Variants in UTP20 observed in about 807,000 individuals in gnomAD.
UTP20 encodes small subunit processome component 20 homolog.
Under a neutral mutation model 329.5 loss-of-function variants are expected in UTP20, and 164 were observed. The observed-to-expected ratio is 0.50, with a 90% confidence interval of 0.44 to 0.57. UTP20 has a LOEUF of 0.57. Ranked by LOEUF, UTP20 falls within the 20% of genes least tolerant of loss-of-function variation. The pLI, the probability that UTP20 is intolerant of heterozygous loss-of-function variation, is 0.00. For synonymous variants in UTP20, 1,151 were observed against 1,159.3 expected (o/e 0.99, Z 0.14); for missense variants, 3,055 against 3,284.2 (o/e 0.93, Z 1.71).
intron 16 of UTP20, 80 bp from the exon 17 acceptor site, chr12:101,306,619 C>A: frequency 7.5e-7 from 1 of 1,326,162 alleles, no homozygotes; most frequent in Non-Finnish European, 1.0e-6. Context: ...TTGTATAAAA[C>A]TTAAATCTTG....
chr12:101,317,278 A>T (rs1873000881), intron 21 of UTP20, among the ~76,000 whole-genome samples, 200 bp from the exon 22 acceptor site: 1 of 152,216 alleles, frequency 6.6e-6, no homozygotes, highest in Non-Finnish European at 1.5e-5. Flanking sequence ...TTCTACAGTT[A>T]GTGAATCGCT....
At chr12:101,379,916 T>C (rs973972066) in intron 57 of UTP20, among the ~76,000 whole-genome samples, 2 of 152,110 alleles carry the variant, frequency 1.3e-5, no homozygotes, top group African/African-American at 4.8e-5. Context: ...GCCTCCCGAA[T>C]TCAAGGGATT....
Position 101,340,523 on chromosome 12 carries a change from G to A in UTP20, c.4014G>A (p.Lys1338=). ...QVSKELGILS[K]ISKFMKDKEQ... is the part of the protein sequence containing the mutation. ...ATATATCCGTTTTTTCCTTCTTTAG[G>A]ATCAGCAAGTTTATGAAAGACAAAG... The change falls in exon 32 of 62, where the codon AAG becomes AAA. Residue 1338 remains lysine (K), a splice_region_variant and synonymous_variant. Coordinates refer to ENST00000261637, the MANE Select transcript of UTP20 (RefSeq NM_014503.3). The A allele has an allele frequency of 6.3e-7, 1 of 1,594,346 alleles. No homozygotes were observed. The highest frequency in any genetic ancestry group is 1.1e-5 in the South Asian group (1 of 88,104).
Position 101,383,145 on chromosome 12 carries a change from T to G in UTP20, c.7761T>G (p.Ala2587=). 1 of 1,614,000 alleles carries G rather than the reference T, an allele frequency of 6.2e-7. No homozygotes were observed. Among genetic ancestry groups the G allele is most frequent in the Non-Finnish European group, 8.5e-7 (1 of 1,179,936 alleles). The change falls in exon 59 of 62, where the codon GCT becomes GCG. Residue 2587 remains alanine, a synonymous_variant. Transcript: ENST00000261637. The part of the protein sequence containing the change: ...KIKEDLEEQE[A]LEDGVACADE... Reference sequence around the variant, plus strand: ...AAGAAGACCTGGAAGAACAAGAAGCTTTAGAAGATGGTGTGGCCTGTGCAG... The same window carrying G: ...AAGAAGACCTGGAAGAACAAGAAGCGTTAGAAGATGGTGTGGCCTGTGCAG...
rs576832526 is a variant in UTP20, at chr12:101,307,528, C to G, written c.1996-657C>G. Among the ~76,000 whole-genome samples the G allele has an allele frequency of 7.7e-4, 117 of 152,080 alleles. 1 individual carries two copies. Among genetic ancestry groups the G allele is most frequent in the Non-Finnish European group, 1.5e-3 (100 of 68,018 alleles). On this transcript the variant is annotated intron_variant, in intron 17 of 61. Transcript: ENST00000261637. ...AGTAGCTGAGATTATAGGTGCCTGC[C>G]ACCACGCCTGGCTAATTTTTGTATT...
chr12:101,339,502 A>C (rs1869050112), intron 31 of UTP20, among the ~76,000 whole-genome samples: 1 of 152,168 alleles, frequency 6.6e-6, no homozygotes, highest in Non-Finnish European at 1.5e-5. Context: ...GCCTTTATTT[A>C]ATAAAATTAA....
At chr12:101,373,282 G>T in intron 52 of UTP20, 119 bp from the exon 53 acceptor site, 1 of 952,800 alleles carries the variant, frequency 1.0e-6, no homozygotes, top group Non-Finnish European at 1.6e-6. Context: ...TAGGAAAACA[G>T]AGCATTTTCC....
intron 31 of UTP20, 36 bp from the exon 32 acceptor site, chr12:101,340,487 A>G (rs765440232): frequency 7.7e-7 from 1 of 1,302,432 alleles, no homozygotes; most frequent in Non-Finnish European, 1.1e-6. Flanking sequence ...ATATCCTTGT[A>G]TATGTTCCTT....
In UTP20 at chr12:101,372,799, A is replaced by C. The variant is rs1870336832; in HGVS notation, c.6799-85A>C. The stretch of plus-strand genomic sequence containing the variant: ...CCATTCTGTAAAGTTTTTATAACCT[A>C]CCAGTGAGTTCCAGAAAGCAGCTTA... On this transcript the variant is annotated intron_variant, in intron 51 of 61. Transcript: ENST00000261637. The C allele has an allele frequency of 5.7e-5, 62 of 1,087,250 alleles. 1 individual carries two copies. The South Asian group carries it at 8.1e-4, about 14-fold the overall frequency. The allele number at this position is 1,087,250 out of a possible 1,614,324, so 67.4% of individuals were successfully genotyped here. A position where few individuals can be genotyped will look rare whatever the true frequency, so the allele number is the denominator to read the frequency against.
chr12:101,319,423 T>C, intron 22 of UTP20, 122 bp from the exon 23 acceptor site: 3 of 662,952 alleles, frequency 4.5e-6, no homozygotes, highest in Non-Finnish European at 7.4e-6. Context: ...CTTGTTTATA[T>C]AATAGTGAAA....
chr12:101,379,458 A>G lies in UTP20; in HGVS notation c.7484A>G (p.Gln2495Arg). 1 of 1,614,204 alleles carries G rather than the reference A, an allele frequency of 6.2e-7. No individual in the cohort carries two copies. The highest frequency in any genetic ancestry group is 8.5e-7 in the Non-Finnish European group (1 of 1,180,018). The change falls in exon 57 of 62, where the codon CAG becomes CGG. Residue 2495 changes from glutamine (Q) to arginine (R), a missense_variant. Gln to Arg is a conservative substitution (Grantham distance 43). This residue lies in a region of UTP20 where 337 missense variants were observed against 345.5 expected (regional missense o/e 0.98). Coordinates refer to ENST00000261637, the MANE Select transcript of UTP20 (RefSeq NM_014503.3). The stretch of plus-strand genomic sequence containing the variant: ...TTTGGATTACTCTTTGCCTCTTGCC[A>G]GCCAGAGGAGCTTATTCAAAAATGG... ...QIFGLLFASCQPEELIQKWNT... is the reference protein window; with the variant it reads ...QIFGLLFASCRPEELIQKWNT...
chr12:101,366,690 C>T lies in UTP20; in HGVS notation c.6258C>T (p.Ser2086=), dbSNP rs112368779. The change falls in exon 47 of 62, where the codon TCC becomes TCT. Residue 2086 remains serine (S), a synonymous_variant. Transcript: ENST00000261637. ...RKTNMHIFIE[S]GLRLLHLSLK... is the part of the protein sequence containing the mutation. ...CCAACATGCACATATTTATTGAGTCCGGGCTTCGGGTAAGAATTAACCTTA... is the reference window on the plus strand; with the variant it reads ...CCAACATGCACATATTTATTGAGTCTGGGCTTCGGGTAAGAATTAACCTTA... 19 of 1,613,468 alleles carry T rather than the reference C, an allele frequency of 1.2e-5. No individual in the cohort carries two copies. Among genetic ancestry groups the T allele is most frequent in the African/African-American group, 6.7e-5 (5 of 74,888 alleles).
At chr12:101,368,974 A>T (rs1198847768) in intron 48 of UTP20, among the ~76,000 whole-genome samples, 1 of 152,196 alleles carries the variant, frequency 6.6e-6, no homozygotes, top group East Asian at 1.9e-4. Flanking sequence ...GAACTAGCTG[A>T]TCCCGGTGCT....
intron 5 of UTP20, among the ~76,000 whole-genome samples, chr12:101,288,218 A>C (rs1872022215): frequency 6.6e-6 from 1 of 152,248 alleles, no homozygotes; most frequent in Non-Finnish European, 1.5e-5. Flanking sequence ...TCATTCAGCC[A>C]ACATTTATTA....
At chr12:101,346,621 C>G (rs774837049) in intron 38 of UTP20, 33 bp downstream of exon 38, 14 of 1,538,882 alleles carry the variant, frequency 9.1e-6, no homozygotes, top group Non-Finnish European at 1.2e-5. Context: ...CAAGGACCCT[C>G]TTCCCATACC....
intron 27 of UTP20, among the ~76,000 whole-genome samples, chr12:101,329,826 A>G (rs1356721959): frequency 6.6e-6 from 1 of 152,028 alleles, no homozygotes; most frequent in African/African-American, 2.4e-5. Context: ...CAACATAGCA[A>G]GACCCCATTT....
intron 15 of UTP20, among the ~76,000 whole-genome samples, chr12:101,303,560 G>C (rs1872579934): frequency 6.6e-6 from 1 of 152,170 alleles, no homozygotes; most frequent in South Asian, 2.1e-4. Context: ...CGCTCTGTGG[G>C]GGTGGTGGGT....
intron 56 of UTP20, among the ~76,000 whole-genome samples, chr12:101,377,769 G>C (rs1431223505): frequency 6.6e-6 from 1 of 152,182 alleles, no homozygotes; most frequent in Non-Finnish European, 1.5e-5. Context: ...ATAATTTTTA[G>C]ACCATTAGTG....
chr12:101,355,438 C>T (rs1366368585), intron 41 of UTP20, among the ~76,000 whole-genome samples: 1 of 152,192 alleles, frequency 6.6e-6, no homozygotes, highest in Non-Finnish European at 1.5e-5. Context: ...ACTTTCTGGT[C>T]AGTTCTGCAC....
Sources: gnomAD v4.1 joint callset for allele counts (sites outside exome capture counted in the v4.1 genomes callset) on GRCh38, gnomAD v4.1.1 for gene constraint, gnomAD v4.1.1 regional missense constraint, MANE v1.5 for transcripts, NCBI Gene and HGNC (gene_info 2026-07-23, HGNC 2026-07-21) for gene names.